Variants in GALNT11 observed in about 807,000 individuals in gnomAD.
GALNT11 encodes the protein UDP-GalNAc:polypeptide N-acetylgalactosaminyltransferase 11.
Under a neutral mutation model 72.7 loss-of-function variants are expected in GALNT11, and 47 were observed. The observed-to-expected ratio is 0.65, with a 90% CI of 0.51 to 0.82. The LOEUF is 0.82. GALNT11 is among the 40% of genes least tolerant of loss of function. The pLI, the probability that GALNT11 is intolerant of heterozygous loss-of-function variation, is 0.00. For synonymous variants in GALNT11, 270 were observed against 286.6 expected, an observed-to-expected ratio of 0.94 and a Z score of 0.58; for missense variants, 677 against 778.4, an observed-to-expected ratio of 0.87 and a Z score of 1.55.
chr7:152,110,969 G>A (rs183913300), intron 7 of GALNT11, among the ~76,000 whole-genome samples: 3 of 151,832 alleles, frequency 2.0e-5, no homozygotes, highest in East Asian at 1.9e-4. Flanking sequence ...TGATCCTCCT[G>A]CCTCGGCCTC....
At chr7:152,113,118 AATAAG>A (rs2088423592) in intron 7 of GALNT11, 123 bp from the exon 8 acceptor site, 1 of 917,522 alleles carries the variant, frequency 1.1e-6, no homozygotes, top group Non-Finnish European at 1.6e-6. Flanking sequence ...ATTTGTATCT[AATAAG>A]ATAAATATCT....
chr7:152,034,804 A>T (rs537197365), intron 1 of GALNT11, among the ~76,000 whole-genome samples: 1 of 152,202 alleles, frequency 6.6e-6, no homozygotes, highest in African/African-American at 2.4e-5. Flanking sequence ...CACAAGGAGG[A>T]CCGAGGAAGG....
chr7:152,028,043 C>T (rs2082116706), intron 1 of GALNT11, among the ~76,000 whole-genome samples: 1 of 152,204 alleles, frequency 6.6e-6, no homozygotes, highest in African/African-American at 2.4e-5. Context: ...AGGAGTGAAG[C>T]CACAGACCTT....
chr7:152,047,551 A>G (rs182479385), intron 1 of GALNT11, among the ~76,000 whole-genome samples: 20 of 151,742 alleles, frequency 1.3e-4, no homozygotes, highest in Non-Finnish European at 1.5e-4. Context: ...ACAAAAATTA[A>G]CCAGGCATGT....
At chr7:152,116,552 A>G (rs757816905) in intron 8 of GALNT11, among the ~76,000 whole-genome samples, 1 of 152,202 alleles carries the variant, frequency 6.6e-6, no homozygotes, top group African/African-American at 2.4e-5. Flanking sequence ...AGACCAGTAC[A>G]TTTTAATGCA....
At chr7:152,118,904 C>G in intron 10 of GALNT11, 122 bp downstream of exon 10, 1 of 693,216 alleles carries the variant, frequency 1.4e-6, no homozygotes, top group Non-Finnish European at 2.3e-6. Context: ...TAACCCATTT[C>G]TGTGTAGTGT....
chr7:152,048,711 T>C (rs370016286), intron 1 of GALNT11, among the ~76,000 whole-genome samples: 1 of 151,886 alleles, frequency 6.6e-6, no homozygotes, highest in East Asian at 1.9e-4. Context: ...TTTGTATTTT[T>C]AGTAGAGACG....
intron 1 of GALNT11, among the ~76,000 whole-genome samples, chr7:152,084,939 T>TC (rs2085552928): frequency 6.9e-6 from 1 of 145,938 alleles, no homozygotes; most frequent in Non-Finnish European, 1.5e-5. Context: ...GCTGTCAATG[T>TC]CCCCCTCCAA....
chr7:152,044,151 A>G (rs769132254), intron 1 of GALNT11, among the ~76,000 whole-genome samples: 6 of 152,248 alleles, frequency 3.9e-5, no homozygotes, highest in Non-Finnish European at 8.8e-5. Context: ...GGGGTCTCAC[A>G]GCCTTCAGAG....
In GALNT11 at chr7:152,092,253, A is replaced by G. The variant is rs565923001; in HGVS notation, c.-38-1937A>G. Among the ~76,000 whole-genome samples, 30 of 152,100 alleles carry G rather than the reference A, an allele frequency of 2.0e-4. No homozygotes were observed. In the South Asian group the frequency reaches 2.9e-3, roughly 15 times the overall value. The stretch of plus-strand genomic sequence containing the variant: ...TCCCCTAAATGTCACTGCTCTGTAC[A>G]TTTTTGTTGCAATATTTTTGTTACA... On this transcript the variant is annotated intron_variant, in intron 1 of 11. Transcript: ENST00000430044.
chr7:152,093,427 T>C (rs904346064), intron 1 of GALNT11, among the ~76,000 whole-genome samples: 1 of 152,102 alleles, frequency 6.6e-6, no homozygotes, highest in Non-Finnish European at 1.5e-5. Context: ...TTTATATTTA[T>C]TTATTTTTAT....
intron 1 of GALNT11, among the ~76,000 whole-genome samples, chr7:152,052,627 C>T (rs953894685): frequency 9.2e-5 from 14 of 152,124 alleles, no homozygotes; most frequent in African/African-American, 2.9e-4. Context: ...ACATTGCTGT[C>T]GATAGACCCT....
intron 1 of GALNT11, among the ~76,000 whole-genome samples, chr7:152,070,211 T>G (rs888352486): frequency 9.2e-5 from 14 of 152,150 alleles, no homozygotes. Flanking sequence ...TTAGCCAGGA[T>G]GGTCTCGATC....
intron 1 of GALNT11, among the ~76,000 whole-genome samples, chr7:152,037,350 C>T (rs115756162): frequency 0.047 from 7,150 of 152,248 alleles, 191 homozygotes; most frequent in South Asian, 0.092. Flanking sequence ...CTTGGCACTT[C>T]TGTCAAAAAT....
At chr7:152,109,958 C>T (rs560465905) in intron 6 of GALNT11, among the ~76,000 whole-genome samples, 151 of 152,294 alleles carry the variant, frequency 9.9e-4, no homozygotes, top group Non-Finnish European at 1.7e-3. Flanking sequence ...CCAGATAATT[C>T]TTTGTTGTAG....
intron 3 of GALNT11, 95 bp from the exon 4 acceptor site, chr7:152,103,017 G>A (rs1396071528): frequency 5.9e-6 from 7 of 1,180,378 alleles, no homozygotes; most frequent in Non-Finnish European, 7.0e-6. Flanking sequence ...GGGGGAAGAG[G>A]GTGAACAAGG....
chr7:152,040,276 C>T (rs918996302), intron 1 of GALNT11, among the ~76,000 whole-genome samples: 3 of 151,914 alleles, frequency 2.0e-5, no homozygotes, highest in Non-Finnish European at 2.9e-5. Flanking sequence ...CATACATGTA[C>T]ATAAACTAGT....
intron 1 of GALNT11, among the ~76,000 whole-genome samples, chr7:152,030,071 G>A (rs1042486678): frequency 6.6e-6 from 1 of 152,174 alleles, no homozygotes; most frequent in South Asian, 2.1e-4. Flanking sequence ...CCACAGGGTC[G>A]GTGGGTTTTT....
chr7:152,038,502 A>G (rs955926922), intron 1 of GALNT11, among the ~76,000 whole-genome samples: 1 of 152,092 alleles, frequency 6.6e-6, no homozygotes, highest in African/African-American at 2.4e-5. Context: ...TAAACCGACA[A>G]CCTTCCAGCA....
Sources: gnomAD v4.1 joint callset for allele counts (sites outside exome capture counted in the v4.1 genomes callset) on GRCh38, gnomAD v4.1.1 for gene constraint, MANE v1.5 for transcripts, NCBI Gene and HGNC (gene_info 2026-07-23, HGNC 2026-07-21) for gene names.